NOC3L: variants seen among roughly 807,000 people sequenced by gnomAD.
NOC3L encodes nucleolar complex protein 3 homolog.
In NOC3L, 85 loss-of-function variants were observed where a neutral mutation model predicts 102.5. The observed-to-expected ratio is 0.83, with a 90% confidence interval of 0.70 to 0.99. The LOEUF is 0.99. NOC3L is among the 50% of genes least tolerant of loss of function. The pLI, the probability that NOC3L is intolerant of heterozygous loss-of-function variation, is 0.00. For missense variants in NOC3L, 878 were observed against 914.9 expected (o/e 0.96, Z 0.52); for synonymous variants, 303 against 309.4 (o/e 0.98, Z 0.22).
the NOC3L span, among the ~76,000 whole-genome samples, chr10:94,323,379 A>G: frequency 6.6e-6 from 1 of 152,250 alleles, no homozygotes; most frequent in African/African-American, 2.4e-5. Context: ...TGAGACCTGG[A>G]GTAAAAGCTC....
At chr10:94,344,784 A>C in intron 12 of NOC3L, 69 bp downstream of exon 12, 4 of 1,296,972 alleles carry the variant, frequency 3.1e-6, no homozygotes, top group Non-Finnish European at 3.2e-6. Flanking sequence ...CTACAAGCTG[A>C]AACAATAAAT....
In NOC3L at chr10:94,340,313, G is replaced by A; in HGVS notation, c.1743C>T (p.Tyr581=). The change falls in exon 16 of 21, where the codon TAC becomes TAT. Residue 581 remains tyrosine (Y), a synonymous_variant. Coordinates refer to ENST00000371361, the MANE Select transcript of NOC3L (RefSeq NM_022451.11). ...DVLNIDPLKF[Y]THLYKTLFKL... is the part of the protein sequence containing the mutation. ...TGAACAGTGTTTTGTAGAGATGTGT[G>A]TAGAATTTCAATGGATCAATATTCA... 1 of 1,613,054 alleles carries A rather than the reference G, an allele frequency of 6.2e-7. No individual in the cohort carries two copies. The highest frequency in any genetic ancestry group is 8.5e-7 in the Non-Finnish European group (1 of 1,179,636).
chr10:94,341,870 T>G (rs2054289504), intron 13 of NOC3L, 125 bp from the exon 14 acceptor site: 2 of 517,354 alleles, frequency 3.9e-6, no homozygotes, highest in African/African-American at 4.0e-5. Flanking sequence ...ATGAAAGACA[T>G]GGCAATTATT....
At position 94,357,312 on chromosome 10, in the gene NOC3L, T is replaced by G. The variant is rs756116201; in HGVS notation, c.370A>C (p.Lys124Gln). The change falls in exon 4 of 21, where the codon AAA becomes CAA. Residue 124 changes from lysine to glutamine, a missense_variant. Coordinates refer to ENST00000371361, the MANE Select transcript of NOC3L (RefSeq NM_022451.11). Reference sequence around the variant, plus strand: ...TCTATAATGCGTTCATGCTTCCGTTTCTTCGCATGAACAGGCTCACTGCAG... The same window carrying G: ...TCTATAATGCGTTCATGCTTCCGTTGCTTCGCATGAACAGGCTCACTGCAG... The part of the protein sequence containing the change: ...LSSSEPVHAK[K>Q]RKHERIIDKY... 1.9e-6 allele frequency: 3 copies of G among 1,599,488 alleles called. No individual in the cohort carries two copies. Among genetic ancestry groups the G allele is most frequent in the South Asian group, 2.3e-5 (2 of 87,686 alleles).
chr10:94,349,203 C>T, intron 10 of NOC3L, 47 bp downstream of exon 10: 5 of 1,554,976 alleles, frequency 3.2e-6, no homozygotes, highest in Non-Finnish European at 4.3e-6. Context: ...TGAAAATCAA[C>T]TTTGTAATTT....
Position 94,340,489 on chromosome 10 carries a change from C to A in NOC3L, c.1652G>T (p.Ser551Ile), listed in dbSNP as rs142474809. Reference protein sequence around the residue: ...LHTLIESGDLSYQESLHCVQT... With the variant: ...LHTLIESGDLIYQESLHCVQT... The stretch of plus-strand genomic sequence containing the variant: ...GACACAGTGAAGACTTTCTTGATAG[C>A]TTAGGTCCTTTAAAAAAAAAAGGGG... The change falls in exon 15 of 21, where the codon AGC (serine) becomes ATC (isoleucine). Residue 551 changes from serine to isoleucine, a missense_variant. Transcript: ENST00000371361. The A allele has an allele frequency of 4.0e-6, 5 of 1,255,120 alleles. No homozygotes were observed. The African/African-American group carries it at 5.0e-5, about 13-fold the overall frequency. 77.7% of individuals were successfully genotyped at this position (1,255,120 alleles called of 1,614,324 possible).
Position 94,352,386 on chromosome 10 carries a change from C to T in NOC3L, c.876G>A (p.Gln292=). 1 of 1,613,246 alleles carries T rather than the reference C, an allele frequency of 6.2e-7. No homozygotes were observed. Among genetic ancestry groups the T allele is most frequent in the Non-Finnish European group, 8.5e-7 (1 of 1,179,644 alleles). ...GGCCTTCTTCAAATTCTCTTAACTT[C>T]TGGGTTTCTTTTCGGGTCTGAAAAG... ...EKSTKTRKET[Q]KLREFEEGLV... Residue 292 remains glutamine, a synonymous_variant, in exon 8 of 21, where the codon CAG becomes CAA. Transcript: ENST00000371361.
chr10:94,332,365 AG>A (rs1249064889), downstream of NOC3L: 3 of 152,144 alleles, frequency 2.0e-5, no homozygotes, highest in African/African-American at 7.2e-5. Context: ...TGGAAGACTG[AG>A]GTTGTCTTAC....
Position 94,334,166 on chromosome 10 carries a change from T to G in NOC3L, c.*11A>C. The G allele has an allele frequency of 2.5e-6, 3 of 1,182,544 alleles. No homozygotes were observed. The highest frequency in any genetic ancestry group is 3.8e-6 in the Non-Finnish European group (3 of 794,422). 73.3% of individuals were successfully genotyped at this position (1,182,544 alleles called of 1,614,324 possible). ...AAATATACAAGAAAGTCCACTGACTTCATTCCTCTACTAGTGTAGTGATGT... is the reference window on the plus strand; with the variant it reads ...AAATATACAAGAAAGTCCACTGACTGCATTCCTCTACTAGTGTAGTGATGT... On this transcript the variant is annotated 3_prime_UTR_variant, in exon 21 of 21. Coordinates refer to ENST00000371361, the MANE Select transcript of NOC3L (RefSeq NM_022451.11).
At position 94,340,510 on chromosome 10, in the gene NOC3L, A is replaced by AGG. The variant is rs112584680; in HGVS notation, c.1645-16_1645-15dup. 14 of 716,394 alleles carry AGG rather than the reference A, an allele frequency of 2.0e-5. No individual in the cohort carries two copies. Among genetic ancestry groups the AGG allele is most frequent in the Non-Finnish European group, 2.7e-5 (12 of 446,200 alleles). The allele number at this position is 716,394 out of a possible 1,614,324, so 44.4% of individuals were successfully genotyped here. On this transcript the variant is annotated splice_polypyrimidine_tract_variant and intron_variant, in intron 14 of 20. Transcript: ENST00000371361. The stretch of plus-strand genomic sequence containing the variant: ...ATAGCTTAGGTCCTTTAAAAAAAAA[A>AGG]GGGGGGGGTGAGGGGGATGGAATAT...
At chr10:94,347,433 GT>G (rs1283462555) in intron 10 of NOC3L, among the ~76,000 whole-genome samples, 1 of 152,142 alleles carries the variant, frequency 6.6e-6, no homozygotes, top group Non-Finnish European at 1.5e-5. Flanking sequence ...AAATGATGTA[GT>G]TTTTACTCTA....
intron 19 of NOC3L, among the ~76,000 whole-genome samples, chr10:94,336,507 C>A (rs2054220378): frequency 6.6e-6 from 1 of 151,946 alleles, no homozygotes; most frequent in Admixed American, 6.6e-5. Flanking sequence ...ACCACCACGC[C>A]TGGCTAATTT....
chr10:94,355,578 G>A (rs1017108027), intron 5 of NOC3L, among the ~76,000 whole-genome samples: 2 of 151,416 alleles, frequency 1.3e-5, no homozygotes, highest in Non-Finnish European at 2.9e-5. Context: ...TTGTAGAGAC[G>A]GGGTTTCACC....
chr10:94,321,980 T>C, the NOC3L span: 1 of 1,613,930 alleles, frequency 6.2e-7, no homozygotes, highest in Non-Finnish European at 8.5e-7. Flanking sequence ...TTTGTCCAAG[T>C]GCATGATGTT....
intron 20 of NOC3L, 115 bp downstream of exon 20, chr10:94,334,519 T>G: frequency 2.7e-6 from 2 of 754,324 alleles, no homozygotes; most frequent in Non-Finnish European, 4.3e-6. Context: ...TATGATGAAA[T>G]CCTAAACATT....
chr10:94,361,601 T>C (rs532489118), intron 2 of NOC3L, 64 bp downstream of exon 2: 3 of 1,506,516 alleles, frequency 2.0e-6, no homozygotes, highest in East Asian at 2.3e-5. Context: ...GCAAAGTTAT[T>C]TCCATGAAGA....
At position 94,334,292 on chromosome 10, in the gene NOC3L, T is replaced by C; in HGVS notation, c.2288A>G (p.Gln763Arg). 6.3e-7 allele frequency: 1 copy of C among 1,599,266 alleles called. No homozygotes were observed. Among genetic ancestry groups the C allele is most frequent in the African/African-American group, 1.3e-5 (1 of 74,690 alleles). The change falls in exon 21 of 21, where the codon CAA becomes CGA. Residue 763 changes from glutamine to arginine, a missense_variant. Transcript: ENST00000371361. ...SNPKIKGKFLQGDSFLNEDLN... is the reference protein window; with the variant it reads ...SNPKIKGKFLRGDSFLNEDLN... Reference sequence around the variant, plus strand: ...ATCTTCATTCAAAAATGAATCCCCTTGTAAAAATTTACCCTAGGAAAATAT... The same window carrying C: ...ATCTTCATTCAAAAATGAATCCCCTCGTAAAAATTTACCCTAGGAAAATAT...
At chr10:94,344,642 A>G (rs549319538) in intron 12 of NOC3L, 127 bp from the exon 13 acceptor site, 1 of 708,898 alleles carries the variant, frequency 1.4e-6, no homozygotes, top group South Asian at 1.9e-5. Flanking sequence ...GCAATCTTTG[A>G]AATTTTTAAC....
At chr10:94,352,476 T>G (rs7092226) in intron 7 of NOC3L, 73 bp from the exon 8 acceptor site, 235,377 of 971,996 alleles carry the variant, frequency 0.24, 31,252 homozygotes, top group Middle Eastern at 0.43. Flanking sequence ...ATAAAATATG[T>G]GTGTCTAGTA....
Sources: gnomAD v4.1 joint callset for allele counts (sites outside exome capture counted in the v4.1 genomes callset) on GRCh38, gnomAD v4.1.1 for gene constraint, MANE v1.5 for transcripts, NCBI Gene and HGNC (gene_info 2026-07-23, HGNC 2026-07-21) for gene names.